The following ZNF420 variants were observed in gnomAD, a reference collection of about 807,000 sequenced individuals.
ZNF420 encodes zinc finger protein 420, also known as ATM and p53-associated KZNF protein.
A neutral mutation model predicts 44.7 loss-of-function variants in ZNF420; 31 were observed. That is an observed-to-expected ratio of 0.69 (90% CI 0.52 to 0.94). The LOEUF is 0.94. Ranked by LOEUF, ZNF420 falls within the 40% of genes least tolerant of loss-of-function variation. ZNF420 has a pLI of 0.00. For missense variants in ZNF420, 681 were observed against 827.9 expected (o/e 0.82, Z 2.18); for synonymous variants, 245 against 267.4 (o/e 0.92, Z 0.82).
chr19:37,104,490 G>T (rs1020037767), intron 4 of ZNF420, among the ~76,000 whole-genome samples: 3 of 152,038 alleles, frequency 2.0e-5, no homozygotes, highest in Admixed American at 1.3e-4. Context: ...TAATCCTTTG[G>T]GTATATACCA....
chr19:37,052,055 A>G (rs1441662699), intron 1 of ZNF420, among the ~76,000 whole-genome samples: 2 of 151,916 alleles, frequency 1.3e-5, no homozygotes, highest in African/African-American at 4.8e-5. Context: ...CCTGTATTGG[A>G]TGCATATATA....
chr19:37,085,936 T>TTTTTTATTA lies in ZNF420; in HGVS notation c.-80-3101_-80-3100insTTTATTATT, dbSNP rs113953981. 6.6e-3 allele frequency among the ~76,000 whole-genome samples: 910 copies of TTTTTTATTA among 137,732 alleles called. 6 individuals are homozygous for TTTTTTATTA. The highest frequency in any genetic ancestry group is 0.015 in the African/African-American group (536 of 36,916). The allele number at this position is 137,732 out of a possible 152,430, so 90.4% of individuals were successfully genotyped here. ...TTGCATCACAATGCCTGGCTGATGT[T>TTTTTTATTA]TTATTATTATTATTATTATTATTAT... is the stretch of plus-strand genomic sequence containing the variant. On this transcript the variant is annotated intron_variant, in intron 2 of 4. Transcript: ENST00000337995.
chr19:37,088,424 C>T (rs767859814), intron 2 of ZNF420, among the ~76,000 whole-genome samples: 17 of 152,278 alleles, frequency 1.1e-4, no homozygotes, highest in South Asian at 1.0e-3. Flanking sequence ...GGCTCTACTT[C>T]GCTTAAGAAA....
intron 1 of ZNF420, among the ~76,000 whole-genome samples, chr19:37,035,877 G>A (rs1231168410): frequency 1.3e-5 from 2 of 151,998 alleles, no homozygotes; most frequent in Non-Finnish European, 2.9e-5. Context: ...CTTCATATCT[G>A]GCTTCTCAAA....
At chr19:37,120,370 A>AACCACAT (rs1351349619) in intron 4 of ZNF420, among the ~76,000 whole-genome samples, 2,518 of 151,496 alleles carry the variant, frequency 0.017, 52 homozygotes, top group East Asian at 0.043. Flanking sequence ...CAAAGACAAA[A>AACCACAT]ACCACATGAT....
chr19:37,010,323 C>G (rs760822785), intron 1 of ZNF420, among the ~76,000 whole-genome samples: 5 of 152,190 alleles, frequency 3.3e-5, no homozygotes, highest in African/African-American at 4.8e-5. Flanking sequence ...CCAGCCTCAA[C>G]TGCCGGGACG....
At chr19:37,100,030 A>T (rs199922224) in intron 4 of ZNF420, among the ~76,000 whole-genome samples, 254 of 152,280 alleles carry the variant, frequency 1.7e-3, no homozygotes, top group Middle Eastern at 3.4e-3. Context: ...AGGTATTATT[A>T]AAAAATCCTT....
At chr19:37,105,963 C>T (rs1970057326) in intron 4 of ZNF420, among the ~76,000 whole-genome samples, 1 of 152,196 alleles carries the variant, frequency 6.6e-6, no homozygotes, top group Non-Finnish European at 1.5e-5. Context: ...AATATACAGT[C>T]ATGTCATCTG....
At chr19:37,020,898 T>C (rs2146382708) in intron 1 of ZNF420, among the ~76,000 whole-genome samples, 1 of 152,246 alleles carries the variant, frequency 6.6e-6, no homozygotes, top group Admixed American at 6.5e-5. Flanking sequence ...TGGGGAGTCA[T>C]TGTTTAATAG....
intron 1 of ZNF420, among the ~76,000 whole-genome samples, chr19:37,017,567 C>G (rs2074617069): frequency 6.6e-6 from 1 of 152,162 alleles, no homozygotes; most frequent in Non-Finnish European, 1.5e-5. Flanking sequence ...AAAAACCCCA[C>G]TTGATTATCT....
chr19:37,042,970 G>A (rs558619589), intron 1 of ZNF420, among the ~76,000 whole-genome samples: 1 of 152,050 alleles, frequency 6.6e-6, no homozygotes, highest in Non-Finnish European at 1.5e-5. Context: ...CAAGGAGAGA[G>A]AGAGAGAAAT....
intron 4 of ZNF420, among the ~76,000 whole-genome samples, chr19:37,097,286 T>C (rs73626554): frequency 0.011 from 1,676 of 151,982 alleles, 34 homozygotes; most frequent in African/African-American, 0.039. Context: ...AAATGGCTAA[T>C]ACTGATATAT....
intron 1 of ZNF420, among the ~76,000 whole-genome samples, chr19:37,049,463 C>T (rs1967600027): frequency 6.6e-6 from 1 of 152,190 alleles, no homozygotes; most frequent in Non-Finnish European, 1.5e-5. Context: ...TCTCTGATGG[C>T]CAGTGATGAT....
chr19:37,010,896 T>G (rs540248646), intron 1 of ZNF420, among the ~76,000 whole-genome samples: 1 of 152,058 alleles, frequency 6.6e-6, no homozygotes, highest in East Asian at 1.9e-4. Context: ...CAGACAAACG[T>G]CAAAGAAGAT....
At chr19:37,018,018 A>G (rs1370587572) in intron 1 of ZNF420, among the ~76,000 whole-genome samples, 2 of 152,130 alleles carry the variant, frequency 1.3e-5, no homozygotes, top group African/African-American at 4.8e-5. Flanking sequence ...ATACAATTAC[A>G]CTGAAGAACA....
chr19:37,121,168 T>C (rs1425203187), intron 4 of ZNF420, among the ~76,000 whole-genome samples: 32 of 146,100 alleles, frequency 2.2e-4, no homozygotes, highest in Admixed American at 1.4e-3. Flanking sequence ...CATTGCCAAG[T>C]CAATCCTAAG....
intron 1 of ZNF420, chr19:37,025,248 T>A: frequency 3.2e-6 from 1 of 307,808 alleles, no homozygotes; most frequent in Non-Finnish European, 6.1e-6. Context: ...CTCTTGTTCA[T>A]TGAACATGTA....
chr19:37,054,323 T>C (rs1967702512), intron 1 of ZNF420, among the ~76,000 whole-genome samples: 1 of 152,242 alleles, frequency 6.6e-6, no homozygotes, highest in African/African-American at 2.4e-5. Context: ...GGTGATGCCT[T>C]GCCCTGCTTC....
chr19:37,076,694 GACATGA>G (rs1968163640), upstream of ZNF420, among the ~76,000 whole-genome samples: 1 of 152,104 alleles, frequency 6.6e-6, no homozygotes, highest in African/African-American at 2.4e-5. Context: ...CCCTATAAAG[GACATGA>G]ACTCATCCTT....
Sources: allele counts gnomAD v4.1 joint callset (sites outside exome capture counted in the v4.1 genomes callset), GRCh38; gene constraint gnomAD v4.1.1; transcripts MANE v1.5; gene names NCBI Gene and HGNC (gene_info 2026-07-23, HGNC 2026-07-21).